The following TOP1MT variants were observed in gnomAD, a reference collection of about 807,000 sequenced individuals.
TOP1MT encodes the protein DNA topoisomerase I, mitochondrial.
Under a neutral mutation model 73.9 loss-of-function variants are expected in TOP1MT, and 80 were observed. That is an observed-to-expected ratio of 1.08 (90% confidence interval 0.90 to 1.30). The LOEUF (loss-of-function observed/expected upper bound fraction) is 1.30. TOP1MT is among the 50% of genes most tolerant of loss of function. The pLI is 0.00. For missense variants in TOP1MT, 815 were observed against 808.0 expected, an observed-to-expected ratio of 1.01 and a Z score of -0.10; for synonymous variants, 338 against 326.4, an observed-to-expected ratio of 1.04 and a Z score of -0.38.
intron 3 of TOP1MT, 57 bp downstream of exon 3, chr8:143,329,293 G>A (rs1390634198): frequency 1.9e-5 from 29 of 1,512,956 alleles, no homozygotes; most frequent in South Asian, 6.6e-5. Flanking sequence ...CTGCAGAACC[G>A]CAGACGCCTA....
intron 10 of TOP1MT, among the ~76,000 whole-genome samples, chr8:143,317,210 G>A (rs892624463): frequency 6.6e-6 from 1 of 152,220 alleles, no homozygotes; most frequent in Non-Finnish European, 1.5e-5. Flanking sequence ...ACATCACGGA[G>A]CAGGGGCAGC....
intron 12 of TOP1MT, among the ~76,000 whole-genome samples, chr8:143,315,009 G>A (rs13259858): frequency 0.5 from 76,031 of 151,762 alleles, 20,488 homozygotes; most frequent in East Asian, 0.76. Flanking sequence ...TAACGCCAGC[G>A]TCTGGGAAGA....
chr8:143,342,747 G>A (rs10100542), intron 2 of TOP1MT, among the ~76,000 whole-genome samples: 8,070 of 90,564 alleles, frequency 0.089, 1,541 homozygotes, highest in Non-Finnish European at 0.14. Context: ...GTCTCGCTCT[G>A]TTATTATTAT....
chr8:143,339,294 GTTC>G (rs1817034104), upstream of TOP1MT, among the ~76,000 whole-genome samples: 1 of 152,176 alleles, frequency 6.6e-6, no homozygotes. Flanking sequence ...GGTATGCATC[GTTC>G]TTCTCAAAGC....
chr8:143,314,786 G>A (rs1221002527), intron 12 of TOP1MT, among the ~76,000 whole-genome samples: 1 of 151,960 alleles, frequency 6.6e-6, no homozygotes, highest in Non-Finnish European at 1.5e-5. Flanking sequence ...ATAGATCATA[G>A]ATATGATTAT....
intron 7 of TOP1MT, among the ~76,000 whole-genome samples, chr8:143,322,742 C>CG: frequency 4.3e-5 from 1 of 23,144 alleles, no homozygotes; most frequent in Non-Finnish European, 7.1e-5. Context: ...ACACACGCCA[C>CG]ACACGCACGC....
At chr8:143,353,142 G>A (rs544423430) in intron 1 of TOP1MT, among the ~76,000 whole-genome samples, 10 of 152,078 alleles carry the variant, frequency 6.6e-5, no homozygotes, top group Non-Finnish European at 1.5e-4. Context: ...GGGCCAGGCG[G>A]GGTGGCTCAC....
At chr8:143,323,822 G>C (rs1212470639) in intron 7 of TOP1MT, among the ~76,000 whole-genome samples, 177 bp downstream of exon 7, 1 of 151,674 alleles carries the variant, frequency 6.6e-6, no homozygotes, top group Non-Finnish European at 1.5e-5. Flanking sequence ...CAATGCACAT[G>C]CACACCCTAC....
intron 2 of TOP1MT, among the ~76,000 whole-genome samples, chr8:143,342,171 G>GTTATTATTA (rs71313299): frequency 1.8e-5 from 2 of 109,934 alleles, no homozygotes; most frequent in African/African-American, 1.0e-4. Flanking sequence ...GTCTCGCTCT[G>GTTATTATTA]TTATTATTAG....
chr8:143,325,114 C>T (rs936105356), intron 5 of TOP1MT, among the ~76,000 whole-genome samples: 1 of 152,210 alleles, frequency 6.6e-6, no homozygotes, highest in Admixed American at 6.5e-5. Context: ...GTGTCCTTGG[C>T]GGGAGAAAGT....
intron 12 of TOP1MT, among the ~76,000 whole-genome samples, chr8:143,315,253 C>T (rs909734988): frequency 6.6e-5 from 10 of 152,110 alleles, no homozygotes; most frequent in African/African-American, 2.2e-4. Context: ...CCTAGTCTGC[C>T]TTCATGTTCC....
chr8:143,309,554 CA>C lies in TOP1MT; in HGVS notation c.1704-12del. ...CTGAACCGCTTGCACCTGCGGGAGG[CA>C]GCATCAGCCCAGGCAAGCAGGCAAC... On this transcript the variant is annotated splice_polypyrimidine_tract_variant and intron_variant, in intron 13 of 13. Transcript: ENST00000329245. 6.2e-7 allele frequency: 1 copy of C among 1,613,384 alleles called. No individual in the cohort carries two copies. The highest frequency in any genetic ancestry group is 8.5e-7 in the Non-Finnish European group (1 of 1,179,964).
rs184926693 is a variant in TOP1MT at position 143,329,417 on chromosome 8, C to G, written c.293G>C (p.Arg98Thr). 2.6e-5 allele frequency: 42 copies of G among 1,610,374 alleles called. No homozygotes were observed. The highest frequency in any genetic ancestry group is 3.5e-5 in the Non-Finnish European group (41 of 1,179,038). The change falls in exon 3 of 14, where the codon AGG (arginine) becomes ACG (threonine). Residue 98 changes from arginine to threonine, a missense_variant. Coordinates refer to ENST00000329245, the MANE Select transcript of TOP1MT (RefSeq NM_052963.3). ...AAEEVATFYGRMLDHEYTTKE... is the reference protein window; with the variant it reads ...AAEEVATFYGTMLDHEYTTKE... ...TGTTGTGTATTCATGATCTAACATC[C>G]TCCCATAAAAAGTGGCGACCTCCTC... is the stretch of plus-strand genomic sequence containing the variant.
At chr8:143,320,168 A>G (rs62524728) in intron 8 of TOP1MT, among the ~76,000 whole-genome samples, 132,520 of 151,934 alleles carry the variant, frequency 0.87, 57,860 homozygotes, top group African/African-American at 0.93. Context: ...TCATTTTGTC[A>G]CCCAGGCAGG....
intron 1 of TOP1MT, among the ~76,000 whole-genome samples, chr8:143,332,969 T>G (rs1371382011): frequency 6.6e-6 from 1 of 152,152 alleles, no homozygotes; most frequent in Non-Finnish European, 1.5e-5. Flanking sequence ...TCACCTTTCT[T>G]ACAGGTTTTA....
chr8:143,311,946 G>A (rs1816025625), intron 12 of TOP1MT, among the ~76,000 whole-genome samples: 1 of 152,082 alleles, frequency 6.6e-6, no homozygotes, highest in Admixed American at 6.6e-5. Context: ...AATATGAATA[G>A]AACTATAACA....
chr8:143,317,920 C>A (rs768694846), intron 9 of TOP1MT, 83 bp from the exon 10 acceptor site: 76 of 1,590,098 alleles, frequency 4.8e-5, no homozygotes, highest in Non-Finnish European at 5.9e-5. Flanking sequence ...ACATGTCAGC[C>A]GTTGGGTCAG....
At chr8:143,336,620 CAGAA>C (rs1426547103), upstream of TOP1MT, among the ~76,000 whole-genome samples, 4 of 152,146 alleles carry the variant, frequency 2.6e-5, no homozygotes, top group East Asian at 7.7e-4. Context: ...ACACCCAGAT[CAGAA>C]AGAAAGAAGT....
At position 143,315,807 on chromosome 8, in the gene TOP1MT, C is replaced by A; in HGVS notation, c.1473G>T (p.Lys491Asn). 1 of 1,613,810 alleles carries A rather than the reference C, an allele frequency of 6.2e-7. No homozygotes were observed. Reference protein sequence around the residue: ...QNLQTKIQAKKEQVAEARAEL... With the variant: ...QNLQTKIQAKNEQVAEARAEL... ...CTGCCCTGGCCTCAGCCACCTGCTCCTTCTTTGCCTGGATCTGCAGGAAAA... is the reference window on the plus strand; with the variant it reads ...CTGCCCTGGCCTCAGCCACCTGCTCATTCTTTGCCTGGATCTGCAGGAAAA... The change falls in exon 12 of 14, where the codon AAG (lysine) becomes AAT (asparagine). Residue 491 changes from lysine to asparagine, a missense_variant. Physicochemically the swap from Lys to Asn is moderately conservative, Grantham distance 94. Around this residue, in one of 3 missense-constraint regions of TOP1MT, gnomAD observed 751 missense variants for 725.4 expected, o/e 1.04. Coordinates refer to ENST00000329245, the MANE Select transcript of TOP1MT (RefSeq NM_052963.3).
Sources: allele counts gnomAD v4.1 joint callset (sites outside exome capture counted in the v4.1 genomes callset), GRCh38; gene constraint gnomAD v4.1.1; regional missense constraint gnomAD v4.1.1; transcripts MANE v1.5; gene names NCBI Gene and HGNC (gene_info 2026-07-23, HGNC 2026-07-21).